RGSL1: variants seen among roughly 807,000 people sequenced by gnomAD.
The protein encoded by RGSL1 is regulator of G protein signaling protein-like.
Under a neutral mutation model 124.7 loss-of-function variants are expected in RGSL1, and 97 were observed. The observed-to-expected ratio is 0.78, with a 90% CI of 0.66 to 0.92. RGSL1 has a LOEUF of 0.92. RGSL1 is among the 40% of genes least tolerant of loss of function. The probability of loss-of-function intolerance (pLI) is 0.00; values close to 1 mark genes in which losing one functional copy is unlikely to be tolerated. For synonymous variants in RGSL1, 424 were observed against 438.1 expected, an observed-to-expected ratio of 0.97 and a Z score of 0.40; for missense variants, 1,233 against 1,288.4, an observed-to-expected ratio of 0.96 and a Z score of 0.66.
rs1456835887 is a variant in RGSL1, at chr1:182,472,493, C to A, written c.399C>A (p.Leu133=). The change falls in exon 5 of 22, where the codon CTC becomes CTA. Residue 133 remains leucine, a synonymous_variant. Coordinates refer to ENST00000294854, the MANE Select transcript of RGSL1 (RefSeq NM_001137669.2). The part of the protein sequence containing the change: ...EVRDYYLSLL[L]MLRATHLQEG... ...GAGACTACTACCTGTCCCTCCTCCT[C>A]ATGCTGAGGGCCACTCATCTGCAGG... is the stretch of plus-strand genomic sequence containing the variant. The A allele has an allele frequency of 1.9e-6, 3 of 1,550,972 alleles. No individual in the cohort carries two copies. Among genetic ancestry groups the A allele is most frequent in the Non-Finnish European group, 2.6e-6 (3 of 1,146,458 alleles).
At chr1:182,536,581 G>A (rs1659554497) in intron 14 of RGSL1, among the ~76,000 whole-genome samples, 1 of 152,138 alleles carries the variant, frequency 6.6e-6, no homozygotes, top group South Asian at 2.1e-4. Flanking sequence ...GTGCTTGCTT[G>A]ACATATTAGT....
intron 9 of RGSL1, among the ~76,000 whole-genome samples, chr1:182,497,721 C>G (rs1274073702): frequency 6.6e-6 from 1 of 152,170 alleles, no homozygotes; most frequent in African/African-American, 2.4e-5. Context: ...ATATCCTTGA[C>G]ACTTTTGAAG....
At chr1:182,496,861 T>G (rs1052481409) in intron 9 of RGSL1, among the ~76,000 whole-genome samples, 1 of 147,404 alleles carries the variant, frequency 6.8e-6, no homozygotes, top group Non-Finnish European at 1.5e-5. Context: ...TGTCCAAATA[T>G]GCACCAGATC....
intron 6 of RGSL1, among the ~76,000 whole-genome samples, chr1:182,480,344 T>C (rs551911711): frequency 6.6e-6 from 1 of 152,254 alleles, no homozygotes; most frequent in African/African-American, 2.4e-5. Flanking sequence ...GGTAGGAGGA[T>C]CACTTAAGCC....
intron 18 of RGSL1, among the ~76,000 whole-genome samples, chr1:182,552,662 G>A (rs1015862214): frequency 6.6e-6 from 1 of 152,124 alleles, no homozygotes; most frequent in Admixed American, 6.5e-5. Flanking sequence ...ACCTCATATT[G>A]GGTAATTCAT....
intron 18 of RGSL1, among the ~76,000 whole-genome samples, chr1:182,552,152 G>A (rs1186814244): frequency 6.6e-6 from 1 of 151,118 alleles, no homozygotes; most frequent in Admixed American, 6.6e-5. Context: ...CTCGCTCTGT[G>A]GCCCAGGCTG....
intron 6 of RGSL1, among the ~76,000 whole-genome samples, chr1:182,476,987 C>A (rs746733512): frequency 1.2e-4 from 19 of 152,182 alleles, no homozygotes; most frequent in Non-Finnish European, 2.6e-4. Flanking sequence ...TTGTCCGTAG[C>A]ACATATCACT....
chr1:182,472,457 C>A lies in RGSL1; in HGVS notation c.363C>A (p.Asp121Glu), dbSNP rs1356673809. Residue 121 changes from aspartate (D) to glutamate (E), a missense_variant, in exon 5 of 22, where the codon GAC becomes GAA. Physicochemically the swap from Asp to Glu is conservative, Grantham distance 45. Coordinates refer to ENST00000294854, the MANE Select transcript of RGSL1 (RefSeq NM_001137669.2). ...ACATCCTGAGCATAGATGAGATGGACCTGGAAGTGAGAGACTACTACCTGT... is the reference window on the plus strand; with the variant it reads ...ACATCCTGAGCATAGATGAGATGGAACTGGAAGTGAGAGACTACTACCTGT... ...AENILSIDEMDLEVRDYYLSL... is the reference protein window; with the variant it reads ...AENILSIDEMELEVRDYYLSL... 6.4e-7 allele frequency: 1 copy of A among 1,551,048 alleles called. No individual in the cohort carries two copies. Among genetic ancestry groups the A allele is most frequent in the Admixed American group, 2.0e-5 (1 of 50,966 alleles).
At chr1:182,454,398 G>A (rs1412237956) in intron 2 of RGSL1, among the ~76,000 whole-genome samples, 2 of 152,006 alleles carry the variant, frequency 1.3e-5, no homozygotes, top group Non-Finnish European at 2.9e-5. Flanking sequence ...CCTCTCCTTG[G>A]GCTGTGTCTG....
intron 1 of RGSL1, among the ~76,000 whole-genome samples, chr1:182,451,670 G>A (rs142056807): frequency 1.3e-5 from 2 of 150,882 alleles, no homozygotes; most frequent in East Asian, 4.0e-4. Flanking sequence ...TAAAGCCTCA[G>A]ATACTATACT....
At chr1:182,517,736 T>C (rs781341277) in intron 9 of RGSL1, among the ~76,000 whole-genome samples, 1 of 152,226 alleles carries the variant, frequency 6.6e-6, no homozygotes, top group Non-Finnish European at 1.5e-5. Flanking sequence ...CTTTTATTAT[T>C]TCAACTTGTT....
intron 4 of RGSL1, among the ~76,000 whole-genome samples, chr1:182,470,783 T>C (rs916884541): frequency 6.6e-6 from 1 of 152,178 alleles, no homozygotes; most frequent in Non-Finnish European, 1.5e-5. Flanking sequence ...AATAAACATG[T>C]ACTGAAAGAA....
chr1:182,515,087 C>A (rs1268231198), intron 9 of RGSL1, among the ~76,000 whole-genome samples: 3 of 152,192 alleles, frequency 2.0e-5, no homozygotes, highest in African/African-American at 7.2e-5. Context: ...CCCCGAGTCC[C>A]AGCAACCATG....
chr1:182,450,100 T>C (rs149323848), upstream of RGSL1: 1 of 1,539,774 alleles, frequency 6.5e-7, no homozygotes. Context: ...ACAATGGATA[T>C]AGTTCTATTG....
chr1:182,460,725 GACA>G (rs750775549), intron 4 of RGSL1: 48 of 456,004 alleles, frequency 1.1e-4, no homozygotes, highest in African/African-American at 9.2e-4. Flanking sequence ...TCCTCATCTA[GACA>G]ACAATTGTAC....
In RGSL1 at chr1:182,493,084, A is replaced by G; in HGVS notation, c.1780A>G (p.Ile594Val). Residue 594 changes from isoleucine to valine, a missense_variant, in exon 9 of 22, where the codon ATC (isoleucine) becomes GTC (valine). Physicochemically the swap from Ile to Val is conservative, Grantham distance 29. Transcript: ENST00000294854. ...GAACCCAAAGATGGCCATACAGAAG[A>G]TCAGTGATGACTACAAAATATACTG... Reference protein sequence around the residue: ...YKNPKMAIQKISDDYKIYCEK... With the variant: ...YKNPKMAIQKVSDDYKIYCEK... The G allele has an allele frequency of 6.4e-7, 1 of 1,551,766 alleles. No homozygotes were observed. Among genetic ancestry groups the G allele is most frequent in the Non-Finnish European group, 8.7e-7 (1 of 1,146,966 alleles).
intron 9 of RGSL1, among the ~76,000 whole-genome samples, chr1:182,504,273 T>C (rs1450803191): frequency 1.3e-5 from 2 of 152,056 alleles, no homozygotes; most frequent in Non-Finnish European, 2.9e-5. Flanking sequence ...TGAGTCACCA[T>C]GCCCGGCCAG....
At chr1:182,501,177 T>G (rs1055516945) in intron 9 of RGSL1, among the ~76,000 whole-genome samples, 2 of 152,102 alleles carry the variant, frequency 1.3e-5, no homozygotes, top group African/African-American at 4.8e-5. Flanking sequence ...GTTTGTTGGA[T>G]AATTTTTATG....
chr1:182,519,854 C>T (rs1233107409), intron 9 of RGSL1, among the ~76,000 whole-genome samples: 1 of 152,008 alleles, frequency 6.6e-6, no homozygotes, highest in Non-Finnish European at 1.5e-5. Flanking sequence ...GACTCATCTA[C>T]TAGTTGTTAC....
Sources: gnomAD v4.1 joint callset for allele counts (sites outside exome capture counted in the v4.1 genomes callset) on GRCh38, gnomAD v4.1.1 for gene constraint, MANE v1.5 for transcripts, NCBI Gene and HGNC (gene_info 2026-07-23, HGNC 2026-07-21) for gene names.